ACAP2: variants seen among roughly 807,000 people sequenced by gnomAD.
ACAP2 encodes the protein arf-GAP with coiled-coil, ANK repeat and PH domain-containing protein 2.
A neutral mutation model predicts 115.8 loss-of-function variants in ACAP2; 39 were observed. The observed-to-expected ratio is 0.34, with a 90% CI of 0.26 to 0.44. ACAP2 has a LOEUF of 0.44. ACAP2 is among the 20% of genes least tolerant of loss of function. ACAP2 has a pLI of 1.00. For missense variants in ACAP2, 662 were observed against 927.6 expected, an observed-to-expected ratio of 0.71 and a Z score of 3.72; for synonymous variants, 289 against 315.8, an observed-to-expected ratio of 0.92 and a Z score of 0.90.
At position 195,307,255 on chromosome 3, in the gene ACAP2, T is replaced by C; in HGVS notation, c.978A>G (p.Arg326=). 6.2e-7 allele frequency: 1 copy of C among 1,613,578 alleles called. No homozygotes were observed. Among genetic ancestry groups the C allele is most frequent in the Non-Finnish European group, 8.5e-7 (1 of 1,179,648 alleles). ...GCGAGACCACCTCAAAGCAGAATCGTCGCTCTATGTCTTCACAATGTTTCA... is the reference window on the plus strand; with the variant it reads ...GCGAGACCACCTCAAAGCAGAATCGCCGCTCTATGTCTTCACAATGTTTCA... The part of the protein sequence containing the change: ...CTVKHCEDIE[R]RFCFEVVSPT... Residue 326 remains arginine (R), a synonymous_variant, in exon 12 of 23, where the codon CGA becomes CGG. Coordinates refer to ENST00000326793, the MANE Select transcript of ACAP2 (RefSeq NM_012287.6).
intron 15 of ACAP2, among the ~76,000 whole-genome samples, chr3:195,300,279 A>T (rs1727961847): frequency 6.6e-6 from 1 of 152,026 alleles, no homozygotes; most frequent in African/African-American, 2.4e-5. Flanking sequence ...TCCTGACCTC[A>T]AGTGATCTGC....
chr3:195,307,106 CT>C, intron 12 of ACAP2, 116 bp downstream of exon 12: 20 of 700,962 alleles, frequency 2.9e-5, no homozygotes, highest in South Asian at 7.0e-5. Context: ...ATTTTTAAAA[CT>C]TTTTTTTCTC....
rs189139134 is a variant in ACAP2 at position 195,318,752 on chromosome 3, A to C, written c.857+1949T>G. ...TAGTTTAAAAGGGAAGCAGAGCATA[A>C]CAGTTTGGAAAATTTGCAGCCTGAC... On this transcript the variant is annotated intron_variant, in intron 10 of 22. Coordinates refer to ENST00000326793, the MANE Select transcript of ACAP2 (RefSeq NM_012287.6). 1.1e-3 allele frequency among the ~76,000 whole-genome samples: 164 copies of C among 152,368 alleles called. 1 individual carries two copies. Among genetic ancestry groups the C allele is most frequent in the African/African-American group, 3.8e-3 (157 of 41,592 alleles).
chr3:195,412,746 T>TAAC (rs147522534), intron 1 of ACAP2: 154,838 of 301,232 alleles, frequency 0.51, 42,912 homozygotes, highest in East Asian at 0.89. Flanking sequence ...ATTAAAACCG[T>TAAC]AACTGCCTTT....
intron 4 of ACAP2, among the ~76,000 whole-genome samples, chr3:195,351,129 T>TTTTTTG (rs75945777): frequency 0.02 from 2,591 of 131,520 alleles, 103 homozygotes; most frequent in African/African-American, 0.076. Flanking sequence ...TTTTTTTTTT[T>TTTTTTG]GGGCGGGGGA....
At chr3:195,295,233 G>C (rs1315251167) in intron 17 of ACAP2, 1 of 1,291,252 alleles carries the variant, frequency 7.7e-7, no homozygotes, top group African/African-American at 1.5e-5. Context: ...AGTAGGAGAA[G>C]AGTGAATCTA....
chr3:195,437,250 C>T (rs983436162), intron 1 of ACAP2, among the ~76,000 whole-genome samples: 1 of 151,822 alleles, frequency 6.6e-6, no homozygotes, highest in Non-Finnish European at 1.5e-5. Flanking sequence ...ACTCTGTTGC[C>T]TAGGTTGATT....
At chr3:195,430,346 A>T (rs750294063) in intron 1 of ACAP2, among the ~76,000 whole-genome samples, 1 of 152,166 alleles carries the variant, frequency 6.6e-6, no homozygotes, top group African/African-American at 2.4e-5. Flanking sequence ...TAATTTTTTT[A>T]AAGTGTATAT....
intron 7 of ACAP2, among the ~76,000 whole-genome samples, chr3:195,335,000 AT>A (rs1730409389): frequency 6.6e-6 from 1 of 152,166 alleles, no homozygotes; most frequent in Non-Finnish European, 1.5e-5. Flanking sequence ...TGCAAACTTT[AT>A]CAGGGCTCAC....
chr3:195,434,432 G>A (rs1169228140), intron 1 of ACAP2, among the ~76,000 whole-genome samples: 1 of 151,554 alleles, frequency 6.6e-6, no homozygotes, highest in African/African-American at 2.4e-5. Context: ...GGTAGAGACA[G>A]GGTCTCCCTG....
intron 22 of ACAP2, 129 bp downstream of exon 22, chr3:195,285,667 G>T: frequency 1.4e-6 from 1 of 720,550 alleles, no homozygotes; most frequent in Non-Finnish European, 2.3e-6. Context: ...ATTTACAAGT[G>T]GGTTATAAAA....
chr3:195,405,274 G>A (rs1712659279), intron 1 of ACAP2, among the ~76,000 whole-genome samples: 1 of 152,106 alleles, frequency 6.6e-6, no homozygotes, highest in African/African-American at 2.4e-5. Flanking sequence ...TATGGTTACT[G>A]TTACCCTTTG....
At chr3:195,401,793 A>G (rs1349414907) in intron 1 of ACAP2, among the ~76,000 whole-genome samples, 1 of 152,220 alleles carries the variant, frequency 6.6e-6, no homozygotes, top group Non-Finnish European at 1.5e-5. Flanking sequence ...GCTAAATGAC[A>G]GAACTATTAG....
chr3:195,353,012 C>T (rs1266436143), intron 4 of ACAP2, among the ~76,000 whole-genome samples: 3 of 147,122 alleles, frequency 2.0e-5, no homozygotes, highest in South Asian at 2.2e-4. Flanking sequence ...ACCTGGGAGG[C>T]GGAAGTTGCA....
chr3:195,397,378 G>T (rs985927855), intron 1 of ACAP2, among the ~76,000 whole-genome samples: 8 of 152,194 alleles, frequency 5.3e-5, no homozygotes, highest in African/African-American at 1.7e-4. Flanking sequence ...TTTGTTAAGT[G>T]GTTAAAAAAG....
chr3:195,387,420 G>A (rs561333547), intron 2 of ACAP2, among the ~76,000 whole-genome samples: 8 of 152,124 alleles, frequency 5.3e-5, no homozygotes, highest in South Asian at 2.1e-4. Flanking sequence ...TTTTTCATGC[G>A]CAAATTAGGG....
Position 195,279,436 on chromosome 3 carries a change from A to C in ACAP2, c.2237-8T>G. 1 of 1,531,078 alleles carries C rather than the reference A, an allele frequency of 6.5e-7. No individual in the cohort carries two copies. Among genetic ancestry groups the C allele is most frequent in the Non-Finnish European group, 8.9e-7 (1 of 1,123,904 alleles). 94.8% of individuals were successfully genotyped at this position (1,531,078 alleles called of 1,614,324 possible). A position where few individuals can be genotyped will look rare whatever the true frequency, so the allele number is the denominator to read the frequency against. ...CCTGATAAGTTTCATCACCTGCATG[A>C]AATAAAATAAAGACACTTTAAACAT... On this transcript the variant is annotated splice_region_variant and splice_polypyrimidine_tract_variant and intron_variant, in intron 22 of 22. Transcript: ENST00000326793.
intron 20 of ACAP2, among the ~76,000 whole-genome samples, chr3:195,290,536 C>T (rs1429859449): frequency 1.3e-5 from 2 of 152,112 alleles, no homozygotes; most frequent in East Asian, 1.9e-4. Context: ...CATGGCCGTG[C>T]GCAGTGGCTC....
At chr3:195,308,922 G>C in intron 10 of ACAP2, 85 bp from the exon 11 acceptor site, 2 of 1,276,950 alleles carry the variant, frequency 1.6e-6, no homozygotes, top group Non-Finnish European at 2.2e-6. Flanking sequence ...AGAAAGCACT[G>C]GAAATCACAT....
Sources: allele counts gnomAD v4.1 joint callset (sites outside exome capture counted in the v4.1 genomes callset), GRCh38; gene constraint gnomAD v4.1.1; transcripts MANE v1.5; gene names NCBI Gene and HGNC (gene_info 2026-07-23, HGNC 2026-07-21).